SCN10A: variants seen among roughly 807,000 people sequenced by gnomAD.
The protein encoded by SCN10A is sodium voltage-gated channel alpha subunit 10, also known as sodium channel protein type 10 subunit alpha.
SCN10A carries 162 observed loss-of-function variants against 170.7 expected under a neutral mutation model. That is an observed-to-expected ratio of 0.95 (90% CI 0.84 to 1.08). SCN10A has a LOEUF of 1.08. Ranked by LOEUF, SCN10A falls within the 50% of genes least tolerant of loss-of-function variation. The pLI, the probability that SCN10A is intolerant of heterozygous loss-of-function variation, is 0.00. For synonymous variants in SCN10A, 985 were observed against 904.6 expected (o/e 1.09, Z -1.59); for missense variants, 2,527 against 2,436.9 (o/e 1.04, Z -0.78).
At chr3:38,713,810 C>A in intron 22 of SCN10A, 148 bp downstream of exon 22, 1 of 849,248 alleles carries the variant, frequency 1.2e-6, no homozygotes. Context: ...GTACTTTTAG[C>A]AGAGACAGGG....
intron 13 of SCN10A, among the ~76,000 whole-genome samples, chr3:38,742,758 A>G (rs1255209367): frequency 1.3e-5 from 2 of 152,114 alleles, no homozygotes; most frequent in African/African-American, 2.4e-5. Flanking sequence ...GACATTACAT[A>G]TTTTTACTGC....
chr3:38,698,875 G>T (rs567961754), intron 27 of SCN10A, among the ~76,000 whole-genome samples: 1 of 152,190 alleles, frequency 6.6e-6, no homozygotes, highest in Non-Finnish European at 1.5e-5. Context: ...TCAGCTGGAA[G>T]TGACTGCAGT....
At position 38,726,784 on chromosome 3, in the gene SCN10A, C is replaced by T. The variant is rs1344267354; in HGVS notation, c.2909G>A (p.Ser970Asn). The change falls in exon 17 of 28, where the codon AGC becomes AAC. Residue 970 changes from serine (S) to asparagine (N), a missense_variant. Transcript: ENST00000449082. ...TCTGGGAGCTTGGAGCCCTCCAGAG[C>T]TCCCCCTGGCAGTGTTGGCAGCAAT... is the stretch of plus-strand genomic sequence containing the variant. The part of the protein sequence containing the change: ...NHIAANTARG[S>N]SGGLQAPRGP... 6.2e-7 allele frequency: 1 copy of T among 1,611,260 alleles called. No homozygotes were observed.
Position 38,789,020 on chromosome 3 carries a change from T to A in SCN10A, c.406A>T (p.Ile136Phe). ...CAATTAACCAAAATAGTGACCGTAA[T>A]AAATAAACTGAACCACCTGAAAGGC... The part of the protein sequence containing the change: ...VSVHSWFSLF[I>F]TVTILVNCVC... Residue 136 changes from isoleucine (I) to phenylalanine (F), a missense_variant, in exon 4 of 28, where the codon ATT (isoleucine) becomes TTT (phenylalanine). Ile to Phe is a conservative substitution (Grantham distance 21). Transcript: ENST00000449082. 1 of 1,611,104 alleles carries A rather than the reference T, an allele frequency of 6.2e-7. No homozygotes were observed. The highest frequency in any genetic ancestry group is 1.7e-5 in the Admixed American group (1 of 59,924).
intron 21 of SCN10A, among the ~76,000 whole-genome samples, chr3:38,715,301 A>T (rs2063323441): frequency 6.6e-6 from 1 of 151,910 alleles, no homozygotes; most frequent in Non-Finnish European, 1.5e-5. Flanking sequence ...ACCCAAGCCC[A>T]CCTCCATTCC....
chr3:38,740,907 G>T (rs1419673725), intron 14 of SCN10A, among the ~76,000 whole-genome samples: 3 of 152,148 alleles, frequency 2.0e-5, no homozygotes, highest in African/African-American at 7.2e-5. Context: ...AAGGCCCTCT[G>T]TGGTCTTAGG....
chr3:38,702,228 C>T, intron 26 of SCN10A, 119 bp from the exon 27 acceptor site: 21 of 1,043,038 alleles, frequency 2.0e-5, no homozygotes, highest in Non-Finnish European at 2.8e-5. Flanking sequence ...AAGCGAAATA[C>T]TATCCTTACC....
intron 14 of SCN10A, among the ~76,000 whole-genome samples, chr3:38,741,131 C>G (rs1216297818): frequency 1.3e-5 from 2 of 152,260 alleles, no homozygotes; most frequent in Non-Finnish European, 2.9e-5. Context: ...GGCCTTCCCC[C>G]TCCACCTAAG....
chr3:38,749,837 A>G (rs987610282), intron 13 of SCN10A, among the ~76,000 whole-genome samples: 2 of 152,256 alleles, frequency 1.3e-5, no homozygotes, highest in Non-Finnish European at 2.9e-5. Flanking sequence ...GCTAATTTGA[A>G]CAAGAGATGA....
rs563110484 is a variant in SCN10A at position 38,728,808 on chromosome 3, T to C, written c.2374A>G (p.Ile792Val). The C allele has an allele frequency of 3.0e-5, 48 of 1,614,194 alleles. No individual in the cohort carries two copies. In the South Asian group the frequency reaches 4.1e-4, roughly 14 times the overall value. ...NSVGALGNLTIILAIIVFVFA... is the reference protein window; with the variant it reads ...NSVGALGNLTVILAIIVFVFA... ...ACAAAGACAATGATGGCCAGGATGA[T>C]GGTGAGGTTCCCCAGTGCCCCCACT... The change falls in exon 16 of 28, where the codon ATC becomes GTC. Residue 792 changes from isoleucine (I) to valine (V), a missense_variant. Ile to Val is a conservative substitution (Grantham distance 29). Transcript: ENST00000449082.
chr3:38,725,063 T>C (rs2063437910), intron 18 of SCN10A, 111 bp downstream of exon 18: 2 of 973,398 alleles, frequency 2.1e-6, no homozygotes, highest in Non-Finnish European at 2.9e-6. Flanking sequence ...GGTTATGTGA[T>C]TGAGTGCAGT....
intron 1 of SCN10A, among the ~76,000 whole-genome samples, chr3:38,809,267 A>G (rs2064424643): frequency 6.9e-6 from 1 of 145,266 alleles, no homozygotes; most frequent in African/African-American, 2.8e-5. Context: ...TGGAGGAATT[A>G]GAAGACTACT....
rs1291142109 is a variant in SCN10A, at chr3:38,697,234, GACC to G, written c.*112_*114del. 3 of 1,479,112 alleles carry G rather than the reference GACC, an allele frequency of 2.0e-6. No individual in the cohort carries two copies. The highest frequency in any genetic ancestry group is 2.7e-6 in the Non-Finnish European group (3 of 1,102,906). The allele number at this position is 1,479,112 out of a possible 1,614,324, so 91.6% of individuals were successfully genotyped here. On this transcript the variant is annotated 3_prime_UTR_variant, in exon 28 of 28. Coordinates refer to ENST00000449082, the MANE Select transcript of SCN10A (RefSeq NM_006514.4). ...ATTCCCTGCCCAGTTCTGACATTGT[GACC>G]AGTGGCATGCATTGGTGAGGCTGTA...
Position 38,697,160 on chromosome 3 carries a change from T to C in SCN10A, c.*189A>G. 1 of 796,270 alleles carries C rather than the reference T, an allele frequency of 1.3e-6. No individual in the cohort carries two copies. The highest frequency in any genetic ancestry group is 1.9e-6 in the Non-Finnish European group (1 of 521,532). 49.3% of individuals were successfully genotyped at this position (796,270 alleles called of 1,614,324 possible). A position where few individuals can be genotyped will look rare whatever the true frequency, so the allele number is the denominator to read the frequency against. ...TCACAGTGGAAGTGCTCTTAGCTTC[T>C]GACTCCTATTTGTGTATGATGGTTT... On this transcript the variant is annotated 3_prime_UTR_variant, in exon 28 of 28. Transcript: ENST00000449082.
intron 1 of SCN10A, among the ~76,000 whole-genome samples, chr3:38,807,515 CT>C (rs2064411977): frequency 6.6e-6 from 1 of 152,154 alleles, no homozygotes; most frequent in African/African-American, 2.4e-5. Flanking sequence ...TTTGACATGA[CT>C]GGCCGCTCTA....
chr3:38,721,610 GT>G (rs1423072916), intron 20 of SCN10A, among the ~76,000 whole-genome samples: 1 of 152,206 alleles, frequency 6.6e-6, no homozygotes, highest in African/African-American at 2.4e-5. Flanking sequence ...ATAAGGCCTT[GT>G]TATTCAAAGT....
chr3:38,803,609 A>T (rs919479951), intron 1 of SCN10A, among the ~76,000 whole-genome samples: 20 of 137,046 alleles, frequency 1.5e-4, no homozygotes, highest in African/African-American at 1.6e-4. Context: ...ATGAGAACAC[A>T]TGGACACAGG....
chr3:38,796,832 T>C (rs922484078), intron 1 of SCN10A, among the ~76,000 whole-genome samples: 3 of 152,114 alleles, frequency 2.0e-5, no homozygotes, highest in Non-Finnish European at 4.4e-5. Flanking sequence ...GTAATTTCTG[T>C]TTGCCTTTCT....
Position 38,746,388 on chromosome 3 carries a change from G to A in SCN10A, c.1867+3685C>T, listed in dbSNP as rs552564806. Among the ~76,000 whole-genome samples the A allele has an allele frequency of 2.0e-5, 3 of 151,780 alleles. No individual in the cohort carries two copies. In the East Asian group the frequency reaches 5.8e-4, roughly 30 times the overall value. ...TCTCATATCCTTCCATTTCCCATCAGCCCCACTGTCACTACCCCAGAGTTC... is the reference window on the plus strand; with the variant it reads ...TCTCATATCCTTCCATTTCCCATCAACCCCACTGTCACTACCCCAGAGTTC... On this transcript the variant is annotated intron_variant, in intron 13 of 27. Transcript: ENST00000449082.
Sources: allele counts gnomAD v4.1 joint callset (sites outside exome capture counted in the v4.1 genomes callset), GRCh38; gene constraint gnomAD v4.1.1; transcripts MANE v1.5; gene names NCBI Gene and HGNC (gene_info 2026-07-23, HGNC 2026-07-21).